RPGRIP1L: variants seen among roughly 807,000 people sequenced by gnomAD.
RPGRIP1L encodes the protein RPGRIP1 like.
Under a neutral mutation model 160.4 loss-of-function variants are expected in RPGRIP1L, and 131 were observed. The observed-to-expected ratio is 0.82, with a 90% CI of 0.71 to 0.94. RPGRIP1L has a LOEUF of 0.94. Ranked by LOEUF, RPGRIP1L falls within the 40% of genes least tolerant of loss-of-function variation. RPGRIP1L has a pLI of 0.00. For missense variants in RPGRIP1L, 1,522 were observed against 1,535.8 expected (o/e 0.99, Z 0.15); for synonymous variants, 510 against 515.8 (o/e 0.99, Z 0.15).
intron 22 of RPGRIP1L, among the ~76,000 whole-genome samples, chr16:53,633,206 TTTTAAGC>T (rs1171058447): frequency 1.3e-5 from 2 of 152,218 alleles, no homozygotes; most frequent in Admixed American, 1.3e-4. Flanking sequence ...CCACAAGTAT[TTTTAAGC>T]TTACAAAAGG....
At chr16:53,670,653 T>A (rs1343869623) in intron 9 of RPGRIP1L, among the ~76,000 whole-genome samples, 2 of 152,220 alleles carry the variant, frequency 1.3e-5, no homozygotes, top group South Asian at 2.1e-4. Flanking sequence ...GAGATAAAGA[T>A]GCTTGTGTTT....
chr16:53,649,566 C>A (rs1966806895), intron 15 of RPGRIP1L, among the ~76,000 whole-genome samples: 1 of 152,158 alleles, frequency 6.6e-6, no homozygotes. Flanking sequence ...ACATCTTTGG[C>A]ACCTTCCCAT....
chr16:53,638,236 T>C (rs1442446113), intron 20 of RPGRIP1L, 74 bp downstream of exon 20: 16 of 901,276 alleles, frequency 1.8e-5, no homozygotes, highest in Non-Finnish European at 2.8e-5. Flanking sequence ...TCCTGAGTCA[T>C]GTCAAAACTT....
At chr16:53,615,475 T>A (rs1379081152) in intron 24 of RPGRIP1L, among the ~76,000 whole-genome samples, 2,632 of 132,274 alleles carry the variant, frequency 0.02, 13 homozygotes, top group East Asian at 0.04. Flanking sequence ...TATATATATT[T>A]TTTTTTTTTT....
rs528634259 is a variant in RPGRIP1L, at chr16:53,605,287, G to A, written c.3835+194C>T. ...ATTTTACAATTGCTGTTGATTCAAA[G>A]GAAAGCAGGGGGGAGGACAGGAAAA... On this transcript the variant is annotated intron_variant, in intron 26 of 26. Coordinates refer to ENST00000647211, the MANE Select transcript of RPGRIP1L (RefSeq NM_015272.5). 367 of 628,718 alleles carry A rather than the reference G, an allele frequency of 5.8e-4. 1 individual carries two copies. The South Asian group carries it at 6.7e-3, about 11-fold the overall frequency. 38.9% of individuals were successfully genotyped at this position (628,718 alleles called of 1,614,324 possible). A position where few individuals can be genotyped will look rare whatever the true frequency, so the allele number is the denominator to read the frequency against.
intron 23 of RPGRIP1L, among the ~76,000 whole-genome samples, chr16:53,620,337 C>A (rs1469384713): frequency 6.6e-6 from 1 of 152,028 alleles, no homozygotes; most frequent in East Asian, 1.9e-4. Context: ...AATTTTACCC[C>A]CTTCTTTCAA....
At chr16:53,695,958 A>T in intron 3 of RPGRIP1L, 193 bp downstream of exon 3, 1 of 558,316 alleles carries the variant, frequency 1.8e-6, no homozygotes, top group Admixed American at 3.1e-5. Flanking sequence ...ATTCAGACAT[A>T]ATAAACACTC....
chr16:53,644,363 A>G lies in RPGRIP1L; in HGVS notation c.2683+1262T>C, dbSNP rs141482285. ...GGGAAACCATCAAACATACCAGCATATGGTACATGTACTGGAAGTTCAAGA... is the reference window on the plus strand; with the variant it reads ...GGGAAACCATCAAACATACCAGCATGTGGTACATGTACTGGAAGTTCAAGA... On this transcript the variant is annotated intron_variant, in intron 17 of 26. Transcript: ENST00000647211. Among the ~76,000 whole-genome samples, 897 of 152,290 alleles carry G rather than the reference A, an allele frequency of 5.9e-3. 12 individuals are homozygous for G. Among genetic ancestry groups the G allele is most frequent in the African/African-American group, 0.02 (819 of 41,574 alleles).
intron 16 of RPGRIP1L, among the ~76,000 whole-genome samples, chr16:53,648,624 GCGCACACACA>G (rs1966736684): frequency 1.9e-5 from 2 of 106,722 alleles, no homozygotes; most frequent in African/African-American, 5.2e-5. Context: ...GCGCGCGCGC[GCGCACACACA>G]CACACACACA....
chr16:53,664,352 C>T (rs1211015145), intron 10 of RPGRIP1L, among the ~76,000 whole-genome samples: 4 of 152,140 alleles, frequency 2.6e-5, no homozygotes, highest in East Asian at 1.9e-4. Flanking sequence ...TTTCCCTATT[C>T]GAACTCTCAA....
chr16:53,621,954 C>T (rs1022171064), intron 23 of RPGRIP1L, among the ~76,000 whole-genome samples: 4 of 122,726 alleles, frequency 3.3e-5, no homozygotes, highest in African/African-American at 9.8e-5. Flanking sequence ...ACCCAGGGGG[C>T]GGAGCTTGCA....
chr16:53,610,397 A>AT (rs1172174643), intron 25 of RPGRIP1L, among the ~76,000 whole-genome samples: 1 of 152,242 alleles, frequency 6.6e-6, no homozygotes, highest in Non-Finnish European at 1.5e-5. Flanking sequence ...CTGATGAGCC[A>AT]TTACAAACAA....
intron 1 of RPGRIP1L, 129 bp from the exon 2 acceptor site, chr16:53,700,859 T>C (rs1171719924): frequency 4.3e-5 from 31 of 726,164 alleles, no homozygotes; most frequent in Non-Finnish European, 6.7e-5. Context: ...CATGTGCTGC[T>C]TGGAGAAGAT....
Position 53,641,273 on chromosome 16 carries a change from A to G in RPGRIP1L, c.2874+12T>C. The G allele has an allele frequency of 6.2e-7, 1 of 1,612,666 alleles. No homozygotes were observed. The highest frequency in any genetic ancestry group is 1.1e-5 in the South Asian group (1 of 90,890). On this transcript the variant is annotated intron_variant, in intron 18 of 26. Transcript: ENST00000647211. ...TATACTTGTAAAAAAATTAAAAGTC[A>G]CTGATACTCACTAAAACTAGTGTGC...
intron 6 of RPGRIP1L, among the ~76,000 whole-genome samples, chr16:53,678,553 C>T (rs1019247437): frequency 6.6e-6 from 1 of 152,102 alleles, no homozygotes; most frequent in African/African-American, 2.4e-5. Flanking sequence ...TTCAATTCCC[C>T]TCCCCCACCC....
At chr16:53,654,772 A>G (rs1042802343) in intron 14 of RPGRIP1L, among the ~76,000 whole-genome samples, 4 of 152,196 alleles carry the variant, frequency 2.6e-5, no homozygotes, top group East Asian at 3.9e-4. Flanking sequence ...AATTTAGTAA[A>G]ACTTGAAAGG....
chr16:53,659,929 A>G (rs1967629568), intron 10 of RPGRIP1L: 1 of 152,020 alleles, frequency 6.6e-6, no homozygotes, highest in Non-Finnish European at 1.5e-5. Flanking sequence ...AGTTCATGCT[A>G]CTAATCAGTC....
intron 16 of RPGRIP1L, among the ~76,000 whole-genome samples, chr16:53,648,626 G>GCGCACACACACACACA (rs1555602385): frequency 5.6e-5 from 8 of 144,086 alleles, no homozygotes; most frequent in Non-Finnish European, 1.1e-4. Flanking sequence ...GCGCGCGCGC[G>GCGCACACACACACACA]CACACACACA....
chr16:53,614,001 C>T (rs1422352825), intron 24 of RPGRIP1L, among the ~76,000 whole-genome samples: 2 of 152,194 alleles, frequency 1.3e-5, no homozygotes, highest in African/African-American at 2.4e-5. Context: ...CTCCTCCTTC[C>T]ATATGAAGCC....
Sources: allele counts gnomAD v4.1 joint callset (sites outside exome capture counted in the v4.1 genomes callset), GRCh38; gene constraint gnomAD v4.1.1; transcripts MANE v1.5; gene names NCBI Gene and HGNC (gene_info 2026-07-23, HGNC 2026-07-21).